CCDC171: variants seen among roughly 807,000 people sequenced by gnomAD.
CCDC171 encodes coiled-coil domain containing 171, also known as coiled-coil domain-containing protein 171.
CCDC171 carries 177 observed loss-of-function variants against 168.2 expected under a neutral mutation model. The observed-to-expected ratio is 1.05, with a 90% CI of 0.93 to 1.19. The LOEUF is 1.19. Ranked by LOEUF, CCDC171 falls within the 50% of genes most tolerant of loss-of-function variation. The pLI is 0.00. For synonymous variants in CCDC171, 687 were observed against 540.8 expected (o/e 1.27, Z -3.75); for missense variants, 1,991 against 1,539.0 (o/e 1.29, Z -4.91).
intron 3 of CCDC171, among the ~76,000 whole-genome samples, chr9:16,000,321 C>CT (rs927183733): frequency 7.2e-5 from 11 of 152,054 alleles, no homozygotes; most frequent in Non-Finnish European, 1.6e-4. Context: ...AAGGGATTGA[C>CT]TTTTTTTGCT....
intron 3 of CCDC171, among the ~76,000 whole-genome samples, chr9:15,998,731 C>G (rs1229063570): frequency 6.6e-6 from 1 of 152,028 alleles, no homozygotes; most frequent in African/African-American, 2.4e-5. Flanking sequence ...TCATGCCCTT[C>G]TGAAAAAAAT....
At chr9:15,809,030 A>G (rs1304375737) in intron 21 of CCDC171, among the ~76,000 whole-genome samples, 1 of 152,082 alleles carries the variant, frequency 6.6e-6, no homozygotes. Flanking sequence ...ATATAAGGGC[A>G]CTAATCCCGA....
chr9:15,630,633 C>T (rs1198414714), intron 7 of CCDC171, among the ~76,000 whole-genome samples: 1 of 152,152 alleles, frequency 6.6e-6, no homozygotes, highest in African/African-American at 2.4e-5. Flanking sequence ...AGAAAGTTAA[C>T]AAGGATATCC....
chr9:15,579,991 G>C, intron 4 of CCDC171, among the ~76,000 whole-genome samples: 1 of 152,054 alleles, frequency 6.6e-6, no homozygotes, highest in Non-Finnish European at 1.5e-5. Context: ...TTTAGGTCCT[G>C]GTTCTACATG....
chr9:15,664,375 A>G (rs1281520434), intron 8 of CCDC171, among the ~76,000 whole-genome samples: 3 of 152,090 alleles, frequency 2.0e-5, no homozygotes, highest in South Asian at 2.1e-4. Context: ...CTGTCCCCCA[A>G]GTAGCCGGCA....
At chr9:15,805,384 C>A (rs902502010) in intron 21 of CCDC171, among the ~76,000 whole-genome samples, 1 of 152,054 alleles carries the variant, frequency 6.6e-6, no homozygotes, top group Non-Finnish European at 1.5e-5. Context: ...GCATTTAGTG[C>A]CATAAACTTC....
At chr9:15,857,397 T>C (rs921389560) in intron 23 of CCDC171, among the ~76,000 whole-genome samples, 2 of 151,706 alleles carry the variant, frequency 1.3e-5, no homozygotes, top group African/African-American at 4.8e-5. Flanking sequence ...TGTAAATAGA[T>C]TTTTTTTAAT....
At chr9:15,923,509 G>T (rs538556285) in intron 25 of CCDC171, among the ~76,000 whole-genome samples, 87 of 151,374 alleles carry the variant, frequency 5.7e-4, no homozygotes, top group Middle Eastern at 6.8e-3. Context: ...AGGGGAGAGA[G>T]AGCAATGGGG....
chr9:16,019,889 A>C (rs146331123), intron 3 of CCDC171, among the ~76,000 whole-genome samples: 1 of 152,216 alleles, frequency 6.6e-6, no homozygotes, highest in African/African-American at 2.4e-5. Flanking sequence ...GAAGTTATCA[A>C]TAGGCTCTGG....
chr9:15,653,631 T>C (rs1391570560), intron 7 of CCDC171, among the ~76,000 whole-genome samples: 1 of 152,200 alleles, frequency 6.6e-6, no homozygotes, highest in Non-Finnish European at 1.5e-5. Flanking sequence ...TTATGACCAA[T>C]CTTATTTTAT....
chr9:15,945,022 C>A (rs1810135440), intron 25 of CCDC171, among the ~76,000 whole-genome samples: 1 of 151,940 alleles, frequency 6.6e-6, no homozygotes, highest in Admixed American at 6.6e-5. Context: ...CCAATGCTAT[C>A]CCTCTCCCCC....
chr9:15,650,555 C>T (rs933421248), intron 7 of CCDC171, among the ~76,000 whole-genome samples: 39 of 152,154 alleles, frequency 2.6e-4, no homozygotes, highest in African/African-American at 8.7e-4. Context: ...TGTCTAAGTC[C>T]TGTACTCATA....
intron 1 of CCDC171, among the ~76,000 whole-genome samples, chr9:16,059,687 T>C (rs1184372994): frequency 1.3e-5 from 2 of 150,602 alleles, no homozygotes; most frequent in Non-Finnish European, 3.0e-5. Context: ...GCTAATTTTT[T>C]GTATTTTTAG....
At chr9:15,602,587 T>A (rs1385912342) in intron 6 of CCDC171, among the ~76,000 whole-genome samples, 1 of 45,374 alleles carries the variant, frequency 2.2e-5, no homozygotes, top group Non-Finnish European at 4.6e-5. Context: ...TTCTTATTGG[T>A]GTTACCCAAA....
intron 21 of CCDC171, among the ~76,000 whole-genome samples, chr9:15,809,888 C>T (rs2059259260): frequency 6.6e-6 from 1 of 152,094 alleles, no homozygotes; most frequent in African/African-American, 2.4e-5. Flanking sequence ...CTGATTGGTT[C>T]ATTTTACAGA....
rs1270940496 is a variant in CCDC171 at position 15,820,079 on chromosome 9, C to G, written c.3268-26623C>G. On this transcript the variant is annotated intron_variant, in intron 21 of 25. Coordinates refer to ENST00000380701, the MANE Select transcript of CCDC171 (RefSeq NM_173550.4). ...CTACAGGGAAACTGAACAGCCTGCT[C>G]CTGAATGACTACTGGGTACATAACA... Among the ~76,000 whole-genome samples the G allele has an allele frequency of 2.6e-5, 3 of 117,532 alleles. 1 individual carries two copies. Among genetic ancestry groups the G allele is most frequent in the Non-Finnish European group, 5.7e-5 (3 of 52,466 alleles). The allele number at this position is 117,532 out of a possible 152,430, so 77.1% of individuals were successfully genotyped here. A position where few individuals can be genotyped will look rare whatever the true frequency, so the allele number is the denominator to read the frequency against.
intron 7 of CCDC171, among the ~76,000 whole-genome samples, chr9:15,644,529 G>A (rs749688522): frequency 2.2e-4 from 33 of 152,114 alleles, no homozygotes; most frequent in Non-Finnish European, 3.7e-4. Context: ...CTGGAAAATC[G>A]GGTCACTCCC....
At chr9:15,803,467 A>G (rs1000506334) in intron 21 of CCDC171, among the ~76,000 whole-genome samples, 13 of 151,492 alleles carry the variant, frequency 8.6e-5, no homozygotes, top group Non-Finnish European at 1.8e-4. Context: ...TCCAGTTTCA[A>G]TTTTCTGCAT....
intron 25 of CCDC171, chr9:15,922,080 A>C (rs940141457): frequency 3.6e-6 from 1 of 274,158 alleles, no homozygotes; most frequent in Non-Finnish European, 8.4e-6. Flanking sequence ...TCTACTTTTC[A>C]ACACTTTTTC....
Sources: gnomAD v4.1 joint callset for allele counts (sites outside exome capture counted in the v4.1 genomes callset) on GRCh38, gnomAD v4.1.1 for gene constraint, MANE v1.5 for transcripts, NCBI Gene and HGNC (gene_info 2026-07-23, HGNC 2026-07-21) for gene names.